ATG4C: variants seen among roughly 807,000 people sequenced by gnomAD.
ATG4C encodes autophagy related 4C cysteine peptidase.
In ATG4C, 56 loss-of-function variants were observed where a neutral mutation model predicts 57.6. The ratio of observed to expected loss-of-function variants is 0.97; its 90% CI spans 0.78 to 1.21. ATG4C has a LOEUF of 1.21. ATG4C is among the 50% of genes most tolerant of loss of function. ATG4C has a pLI of 0.00. For missense variants in ATG4C, 595 were observed against 529.8 expected (o/e 1.12, Z -1.21); for synonymous variants, 157 against 174.1 (o/e 0.90, Z 0.78).
chr1:62,814,960 G>C (rs2100311275), intron 3 of ATG4C, among the ~76,000 whole-genome samples: 1 of 152,254 alleles, frequency 6.6e-6, no homozygotes, highest in Admixed American at 6.5e-5. Context: ...AGCTACTCAG[G>C]AGGCTGAGGC....
chr1:62,841,647 T>C, intron 10 of ATG4C, 100 bp downstream of exon 10: 2 of 1,026,988 alleles, frequency 1.9e-6, no homozygotes, highest in East Asian at 5.7e-5. Context: ...TTTATAAAAT[T>C]TCCTCTTGAA....
chr1:62,858,410 C>T (rs1325237127), intron 10 of ATG4C, among the ~76,000 whole-genome samples: 1 of 152,138 alleles, frequency 6.6e-6, no homozygotes, highest in African/African-American at 2.4e-5. Flanking sequence ...AGTCACCTAA[C>T]CCCTCAATAT....
At chr1:62,833,926 A>G (rs1665917001) in intron 7 of ATG4C, 112 bp from the exon 8 acceptor site, 2 of 838,024 alleles carry the variant, frequency 2.4e-6, no homozygotes, top group South Asian at 3.6e-5. Flanking sequence ...AATATAAATG[A>G]TAACTGGTAG....
intron 4 of ATG4C, among the ~76,000 whole-genome samples, 174 bp downstream of exon 4, chr1:62,816,982 G>A (rs1349348260): frequency 6.6e-6 from 1 of 152,058 alleles, no homozygotes; most frequent in Non-Finnish European, 1.5e-5. Flanking sequence ...TTTGAACTGG[G>A]TCAGATATGA....
At position 62,819,300 on chromosome 1, in the gene ATG4C, T is replaced by C. The variant is rs1314355205; in HGVS notation, c.690T>C (p.Asp230=). ...YGKKSGKKAG[D]WYGPAVVAHI... is the part of the protein sequence containing the mutation. ...AGAAGTCTGGGAAAAAAGCAGGAGA[T>C]TGGTATGGACCAGCTGTGGTTGCTC... Residue 230 remains aspartate, a synonymous_variant, in exon 5 of 11, where the codon GAT becomes GAC. Coordinates refer to ENST00000317868, the MANE Select transcript of ATG4C (RefSeq NM_032852.4). 1.2e-6 allele frequency: 2 copies of C among 1,611,244 alleles called. No individual in the cohort carries two copies. Among genetic ancestry groups the C allele is most frequent in the South Asian group, 1.1e-5 (1 of 90,324 alleles).
At chr1:62,787,980 G>A (rs1457750700) in intron 1 of ATG4C, among the ~76,000 whole-genome samples, 2 of 151,944 alleles carry the variant, frequency 1.3e-5, no homozygotes, top group Non-Finnish European at 2.9e-5. Flanking sequence ...ATTTAGATTT[G>A]GAGAAAATAT....
rs534699770 is a variant in ATG4C at position 62,829,313 on chromosome 1, G to C, written c.933+137G>C. On this transcript the variant is annotated intron_variant, in intron 7 of 10. Coordinates refer to ENST00000317868, the MANE Select transcript of ATG4C (RefSeq NM_032852.4). Reference sequence around the variant, plus strand: ...TTGTACGTTGTAAAGTTTGACATTAGAGATTTTAAATTTTGGTATTATAAG... The same window carrying C: ...TTGTACGTTGTAAAGTTTGACATTACAGATTTTAAATTTTGGTATTATAAG... 1.0e-4 allele frequency: 106 copies of C among 1,015,992 alleles called. No individual in the cohort carries two copies. The Middle Eastern group carries it at 4.2e-3, about 40-fold the overall frequency. 62.9% of individuals were successfully genotyped at this position (1,015,992 alleles called of 1,614,324 possible).
rs1665758641 is a variant in ATG4C, at chr1:62,829,077, CA to C, written c.835del (p.Met279Ter). On this transcript the variant is annotated frameshift_variant, in exon 7 of 11. Coordinates refer to ENST00000317868, the MANE Select transcript of ATG4C (RefSeq NM_032852.4). LOFTEE classifies it high-confidence loss of function. The stretch of plus-strand genomic sequence containing the variant: ...ATGTAATTGATAAACAGAGTGCTTC[CA>C]TGACTTCTGATAATGCAGATGACAA... ...SDVIDKQSAS[M>X]TSDNADDKAV... 1 of 1,612,470 alleles carries C rather than the reference CA, an allele frequency of 6.2e-7. No individual in the cohort carries two copies. Among genetic ancestry groups the C allele is most frequent in the African/African-American group, 1.3e-5 (1 of 74,854 alleles).
chr1:62,793,814 A>G (rs1161822256), intron 1 of ATG4C, among the ~76,000 whole-genome samples: 4 of 148,382 alleles, frequency 2.7e-5, no homozygotes, highest in Admixed American at 6.8e-5. Context: ...AGCAGTCTAT[A>G]TAAGACTCTA....
rs767813237 is a variant in ATG4C, at chr1:62,864,180, G to C, written c.*21G>C. ...TTTAAAGATTAGCACATTTGTGCTT[G>C]ATAAGAAGAATTCCATTGAAAGGGG... On this transcript the variant is annotated 3_prime_UTR_variant, in exon 11 of 11. Coordinates refer to ENST00000317868, the MANE Select transcript of ATG4C (RefSeq NM_032852.4). 2 of 1,569,016 alleles carry C rather than the reference G, an allele frequency of 1.3e-6. No individual in the cohort carries two copies. Among genetic ancestry groups the C allele is most frequent in the African/African-American group, 1.4e-5 (1 of 72,186 alleles).
intron 4 of ATG4C, among the ~76,000 whole-genome samples, chr1:62,818,466 G>C (rs2366821): frequency 0.47 from 71,141 of 151,776 alleles, 16,854 homozygotes; most frequent in East Asian, 0.67. Context: ...TGTCAAAGAA[G>C]AGAAAAAAGA....
intron 10 of ATG4C, among the ~76,000 whole-genome samples, chr1:62,857,452 T>C (rs762499751): frequency 6.6e-6 from 1 of 152,198 alleles, no homozygotes; most frequent in African/African-American, 2.4e-5. Flanking sequence ...AGGGCTCCCA[T>C]TGATTCTACA....
chr1:62,789,791 T>C (rs1486244631), intron 1 of ATG4C, among the ~76,000 whole-genome samples: 1 of 152,024 alleles, frequency 6.6e-6, no homozygotes, highest in African/African-American at 2.4e-5. Context: ...CACTCCAGCC[T>C]GGGCGACAGA....
At chr1:62,813,136 G>A (rs998449374) in intron 3 of ATG4C, among the ~76,000 whole-genome samples, 2 of 152,094 alleles carry the variant, frequency 1.3e-5, no homozygotes, top group African/African-American at 4.8e-5. Flanking sequence ...AAGTTCATAT[G>A]GAACCAAAAA....
chr1:62,817,695 A>T (rs527376758), intron 4 of ATG4C, among the ~76,000 whole-genome samples: 1 of 152,286 alleles, frequency 6.6e-6, no homozygotes, highest in East Asian at 1.9e-4. Context: ...ACCCTAAAAA[A>T]TGTCATTGAT....
chr1:62,841,700 A>G (rs1331821908), intron 10 of ATG4C, among the ~76,000 whole-genome samples, 153 bp downstream of exon 10: 1 of 152,190 alleles, frequency 6.6e-6, no homozygotes, highest in African/African-American at 2.4e-5. Flanking sequence ...AAATAAAGCC[A>G]TTTGAGGAAT....
At chr1:62,787,460 T>A (rs1664130476) in intron 1 of ATG4C, among the ~76,000 whole-genome samples, 1 of 152,220 alleles carries the variant, frequency 6.6e-6, no homozygotes, top group Admixed American at 6.5e-5. Flanking sequence ...ATTCATTTGG[T>A]ACATACATAA....
chr1:62,823,597 G>T (rs1329544481), intron 6 of ATG4C, among the ~76,000 whole-genome samples: 1 of 152,088 alleles, frequency 6.6e-6, no homozygotes, highest in Non-Finnish European at 1.5e-5. Flanking sequence ...ACCAATGACT[G>T]CCCATTAACT....
chr1:62,857,996 C>T (rs749183482), intron 10 of ATG4C, among the ~76,000 whole-genome samples: 9 of 152,142 alleles, frequency 5.9e-5, no homozygotes, highest in Non-Finnish European at 1.2e-4. Context: ...CCTCTTACAT[C>T]TACCTGCCCC....
Sources: gnomAD v4.1 joint callset for allele counts (sites outside exome capture counted in the v4.1 genomes callset) on GRCh38, gnomAD v4.1.1 for gene constraint, MANE v1.5 for transcripts, NCBI Gene and HGNC (gene_info 2026-07-23, HGNC 2026-07-21) for gene names.